PRSS23: variants seen among roughly 807,000 people sequenced by gnomAD.
The protein encoded by PRSS23 is serine protease 23, also known as protease, serine 23.
PRSS23 carries 25 observed loss-of-function variants against 34.7 expected under a neutral mutation model. That is an observed-to-expected ratio of 0.72 (90% CI 0.53 to 1.01). The LOEUF is 1.01. Ranked by LOEUF, PRSS23 falls within the 50% of genes least tolerant of loss-of-function variation. PRSS23 has a pLI of 0.00. For synonymous variants in PRSS23, 176 were observed against 186.6 expected (o/e 0.94, Z 0.46); for missense variants, 445 against 475.6 (o/e 0.94, Z 0.60).
Position 86,823,814 on chromosome 11 carries a change from G to C in PRSS23, c.206+221G>C, listed in dbSNP as rs865853379. 5.3e-5 allele frequency among the ~76,000 whole-genome samples: 8 copies of C among 151,938 alleles called. 1 individual carries two copies. In the Middle Eastern group the frequency reaches 0.02, roughly 388 times the overall value. Reference sequence around the variant, plus strand: ...GAGGTCAGGAGATCGAGACCATCCTGGCTAACACGGTGAAACCCCGTCTCT... The same window carrying C: ...GAGGTCAGGAGATCGAGACCATCCTCGCTAACACGGTGAAACCCCGTCTCT... On this transcript the variant is annotated intron_variant, in intron 2 of 2. Transcript: ENST00000533902.
chr11:86,908,774 T>C (rs1948959651), intron 2 of PRSS23, among the ~76,000 whole-genome samples: 1 of 152,096 alleles, frequency 6.6e-6, no homozygotes, highest in Non-Finnish European at 1.5e-5. Flanking sequence ...CATTGTTATT[T>C]TCATTTTCAA....
intron 2 of PRSS23, among the ~76,000 whole-genome samples, chr11:86,840,791 T>A (rs1228066817): frequency 1.3e-5 from 2 of 152,096 alleles, no homozygotes; most frequent in Non-Finnish European, 2.9e-5. Context: ...AAAGTACAAT[T>A]CAGGATTAAG....
At position 86,850,379 on chromosome 11, in the gene PRSS23, C is replaced by T. The variant is rs574370831; in HGVS notation, c.206+26786C>T. 2.6e-5 allele frequency among the ~76,000 whole-genome samples: 4 copies of T among 152,194 alleles called. No individual in the cohort carries two copies. In the South Asian group the frequency reaches 8.3e-4, roughly 32 times the overall value. ...AGTAGCTAGAAGAACCACCACTCAG[C>T]TCCCAACAGCAGTTGGGGTGTCCTA... On this transcript the variant is annotated intron_variant, in intron 2 of 2. Coordinates refer to the PRSS23 transcript ENST00000533902.
chr11:86,890,316 T>A (rs1210813439), intron 2 of PRSS23, among the ~76,000 whole-genome samples: 1 of 152,078 alleles, frequency 6.6e-6, no homozygotes, highest in Non-Finnish European at 1.5e-5. Flanking sequence ...CAGCTAACAT[T>A]AAGAAGCATT....
In PRSS23 at chr11:86,857,939, C is replaced by T. The variant is rs563775497; in HGVS notation, c.206+34346C>T. On this transcript the variant is annotated intron_variant, in intron 2 of 2. Coordinates refer to the PRSS23 transcript ENST00000533902. ...ATGGACAGGGAGAGCCCAGTGAGGA[C>T]GGGCTGTCTCCCAGTATCGCAGGGG... 9.0e-4 allele frequency: 388 copies of T among 431,046 alleles called. 4 individuals carry two copies. The highest frequency in any genetic ancestry group is 5.3e-3 in the South Asian group (277 of 52,048). The allele number at this position is 431,046 out of a possible 1,614,324, so 26.7% of individuals were successfully genotyped here.
chr11:86,879,592 G>T (rs1948755667), intron 2 of PRSS23, among the ~76,000 whole-genome samples: 1 of 136,506 alleles, frequency 7.3e-6, no homozygotes, highest in Non-Finnish European at 1.6e-5. Flanking sequence ...TCAGGGAGGT[G>T]AGGGGCGCCT....
downstream of PRSS23, among the ~76,000 whole-genome samples, chr11:86,812,775 G>A (rs1948188193): frequency 7.2e-6 from 1 of 138,746 alleles, no homozygotes; most frequent in Admixed American, 7.4e-5. Context: ...GCAACAGAGT[G>A]AGACTCTGTC....
intron 2 of PRSS23, chr11:86,947,835 G>C: frequency 6.6e-6 from 1 of 152,290 alleles, no homozygotes; most frequent in East Asian, 1.9e-4. Context: ...AGGTGCCATT[G>C]CACCATGTTT....
chr11:86,837,333 A>G (rs1414526436), intron 2 of PRSS23: 1 of 152,252 alleles, frequency 6.6e-6, no homozygotes, highest in East Asian at 1.9e-4. Context: ...GTTCATAATC[A>G]GAAAATATTT....
intron 2 of PRSS23, among the ~76,000 whole-genome samples, chr11:86,844,918 C>T (rs1366209982): frequency 6.6e-6 from 1 of 152,058 alleles, no homozygotes; most frequent in African/African-American, 2.4e-5. Context: ...GGAGAAACCC[C>T]ATCTCTATTA....
intron 2 of PRSS23, chr11:86,947,583 G>C (rs1949254645): frequency 6.6e-6 from 1 of 152,218 alleles, no homozygotes; most frequent in Admixed American, 6.5e-5. Context: ...AAATCAGAAA[G>C]CATCTCTGAA....
Position 86,944,957 on chromosome 11 carries a change from C to T in PRSS23, c.207-6259C>T, listed in dbSNP as rs935614687. ...AGCAATTTAAAAGCAAACCAAGAGGCCTGATGTTCACATCTGGGACATCAG... is the reference window on the plus strand; with the variant it reads ...AGCAATTTAAAAGCAAACCAAGAGGTCTGATGTTCACATCTGGGACATCAG... On this transcript the variant is annotated intron_variant, in intron 2 of 2. Coordinates refer to the PRSS23 transcript ENST00000533902. Among the ~76,000 whole-genome samples, 22 of 152,226 alleles carry T rather than the reference C, an allele frequency of 1.4e-4. No homozygotes were observed. The South Asian group carries it at 4.4e-3, about 30-fold the overall frequency.
At chr11:86,883,176 A>G (rs986571263) in intron 2 of PRSS23, among the ~76,000 whole-genome samples, 2 of 152,300 alleles carry the variant, frequency 1.3e-5, no homozygotes, top group Admixed American at 6.5e-5. Context: ...CGTTGAAAAA[A>G]GAGTCTGAAT....
chr11:86,827,647 C>G (rs533303356), intron 2 of PRSS23, among the ~76,000 whole-genome samples: 2 of 152,200 alleles, frequency 1.3e-5, no homozygotes, highest in Admixed American at 6.5e-5. Flanking sequence ...ATAAATTTCC[C>G]TCTACACACT....
chr11:86,840,150 AT>A (rs1260799824), intron 2 of PRSS23, among the ~76,000 whole-genome samples: 1 of 152,164 alleles, frequency 6.6e-6, no homozygotes, highest in African/African-American at 2.4e-5. Context: ...AAAGCTACAG[AT>A]TGGCAAATTG....
intron 2 of PRSS23, among the ~76,000 whole-genome samples, chr11:86,848,381 A>G (rs1948503318): frequency 2.0e-5 from 3 of 152,338 alleles, no homozygotes; most frequent in Non-Finnish European, 4.4e-5. Flanking sequence ...CCACAGGGGA[A>G]CAGGCAGTCC....
intron 2 of PRSS23, among the ~76,000 whole-genome samples, chr11:86,924,183 A>G (rs137993258): frequency 1.9e-4 from 29 of 152,266 alleles, no homozygotes; most frequent in African/African-American, 6.7e-4. Context: ...GGAGTGAAAC[A>G]TTGACCAGTT....
At chr11:86,879,411 G>C (rs959597003) in intron 2 of PRSS23, among the ~76,000 whole-genome samples, 1 of 151,864 alleles carries the variant, frequency 6.6e-6, no homozygotes, top group East Asian at 2.0e-4. Context: ...GGGAAGTGAG[G>C]AGTGTCTCTG....
Position 86,800,545 on chromosome 11 carries a change from C to T in PRSS23, c.-120C>T, listed in dbSNP as rs1948020887. On this transcript the variant is annotated 5_prime_UTR_variant, in exon 1 of 2. Transcript: ENST00000280258. ...TGCGCTGCTCGCCAGCTTGCTCGCA[C>T]TCGGCTGTGCGGCGGGGCAGGCATG... is the stretch of plus-strand genomic sequence containing the variant. 6 of 984,640 alleles carry T rather than the reference C, an allele frequency of 6.1e-6. No homozygotes were observed. The highest frequency in any genetic ancestry group is 1.7e-5 in the African/African-American group (1 of 57,154). The allele number at this position is 984,640 out of a possible 1,614,324, so 61.0% of individuals were successfully genotyped here. A position where few individuals can be genotyped will look rare whatever the true frequency, so the allele number is the denominator to read the frequency against.
Sources: gnomAD v4.1 joint callset for allele counts (sites outside exome capture counted in the v4.1 genomes callset) on GRCh38, gnomAD v4.1.1 for gene constraint, MANE v1.5 for transcripts, NCBI Gene and HGNC (gene_info 2026-07-23, HGNC 2026-07-21) for gene names.